The following CHSY1 variants were observed in gnomAD, a reference collection of about 807,000 sequenced individuals.
CHSY1 encodes N-acetylgalactosaminyl-proteoglycan 3-beta-glucuronosyltransferase 1.
In CHSY1, 13 loss-of-function variants were observed where a neutral mutation model predicts 59.8. The ratio of observed to expected loss-of-function variants is 0.22; its 90% confidence interval spans 0.14 to 0.35. The LOEUF is 0.35. Among genes scored for constraint, CHSY1 ranks in the 10% least tolerant of loss-of-function variants. CHSY1 has a pLI of 1.00. For missense variants in CHSY1, 947 were observed against 1,030.6 expected, an observed-to-expected ratio of 0.92 and a Z score of 1.11; for synonymous variants, 459 against 401.2, an observed-to-expected ratio of 1.14 and a Z score of -1.72.
intron 2 of CHSY1, among the ~76,000 whole-genome samples, chr15:101,205,768 G>A (rs538374105): frequency 1.9e-4 from 29 of 152,034 alleles, no homozygotes; most frequent in Admixed American, 1.3e-4. Flanking sequence ...TGGATAAAAC[G>A]GTGAAACCCC....
chr15:101,193,314 TG>T (rs887474627), intron 2 of CHSY1, among the ~76,000 whole-genome samples: 2 of 152,206 alleles, frequency 1.3e-5, no homozygotes. Flanking sequence ...ATCATATCCT[TG>T]GGTCAGGGAA....
rs969170060 is a variant in CHSY1 at position 101,251,130 on chromosome 15, G to A, written c.320+7C>T. Reference sequence around the variant, plus strand: ...CAGGAGGCGGTGCCCGGGGAGCAGGGGCTCACCTGTAGGCGGCCACGGCCC... The same window carrying A: ...CAGGAGGCGGTGCCCGGGGAGCAGGAGCTCACCTGTAGGCGGCCACGGCCC... On this transcript the variant is annotated splice_region_variant and intron_variant, in intron 1 of 2. Transcript: ENST00000254190. 4.4e-6 allele frequency: 7 copies of A among 1,573,960 alleles called. No homozygotes were observed. Among genetic ancestry groups the A allele is most frequent in the Admixed American group, 1.8e-5 (1 of 56,600 alleles).
rs565280154 is a variant in CHSY1 at position 101,207,609 on chromosome 15, GA to G, written c.816+27472del. Among the ~76,000 whole-genome samples the G allele has an allele frequency of 8.2e-3, 1,235 of 150,544 alleles. 15 individuals are homozygous for G. The highest frequency in any genetic ancestry group is 0.028 in the African/African-American group (1,129 of 41,044). Reference sequence around the variant, plus strand: ...AATTAAGACAAGACCCAATCTACTAGAAAAAAAAAGTTGAATATTTGGCACA... The same window carrying G: ...AATTAAGACAAGACCCAATCTACTAGAAAAAAAAGTTGAATATTTGGCACA... On this transcript the variant is annotated intron_variant, in intron 2 of 2. Coordinates refer to ENST00000254190, the MANE Select transcript of CHSY1 (RefSeq NM_014918.5).
chr15:101,189,370 G>T, intron 2 of CHSY1: 2 of 861,948 alleles, frequency 2.3e-6, no homozygotes, highest in Non-Finnish European at 2.8e-6. Flanking sequence ...ATAAGCTCTA[G>T]TCTAGGGGAC....
chr15:101,239,979 A>G (rs2038986704), intron 1 of CHSY1, among the ~76,000 whole-genome samples: 1 of 152,208 alleles, frequency 6.6e-6, no homozygotes, highest in South Asian at 2.1e-4. Context: ...AAATGGTGTA[A>G]TTTGCCCAAG....
Position 101,177,442 on chromosome 15 carries a change from AT to A in CHSY1, c.2354del (p.Asn785MetfsTer15), listed in dbSNP as rs776051407. 4 of 1,612,186 alleles carry A rather than the reference AT, an allele frequency of 2.5e-6. No homozygotes were observed. Among genetic ancestry groups the A allele is most frequent in the Admixed American group, 1.7e-5 (1 of 59,780 alleles). ...QQLAEMWLEK[N>X]DPSYSKSSNN... ...TGCTGCTTTTACTGTAACTTGGATC[AT>A]TTTTTTCCAGCCACATCTCAGCCAG... On this transcript the variant is annotated frameshift_variant, in exon 3 of 3. Transcript: ENST00000254190. LOFTEE classifies it high-confidence loss of function.
intron 2 of CHSY1, among the ~76,000 whole-genome samples, chr15:101,182,434 G>A (rs1184513001): frequency 6.6e-6 from 1 of 152,220 alleles, no homozygotes; most frequent in Admixed American, 6.5e-5. Context: ...CACTACAGGA[G>A]TAGAGTATGT....
intron 1 of CHSY1, among the ~76,000 whole-genome samples, chr15:101,242,997 G>A (rs969262116): frequency 1.3e-5 from 2 of 152,184 alleles, no homozygotes; most frequent in South Asian, 2.1e-4. Flanking sequence ...ACTCCTTACT[G>A]TCCATCCTAA....
At chr15:101,236,163 C>A (rs113256814) in intron 1 of CHSY1, among the ~76,000 whole-genome samples, 2,042 of 152,278 alleles carry the variant, frequency 0.013, 31 homozygotes, top group East Asian at 0.044. Flanking sequence ...GAACAGGGAG[C>A]CTTCCCCTGA....
At chr15:101,247,993 C>T (rs182407887) in intron 1 of CHSY1, among the ~76,000 whole-genome samples, 3 of 152,288 alleles carry the variant, frequency 2.0e-5, no homozygotes, top group Non-Finnish European at 2.9e-5. Context: ...TATCATCTTA[C>T]TGAAAGTGCT....
At chr15:101,240,894 T>G (rs2038994405) in intron 1 of CHSY1, among the ~76,000 whole-genome samples, 1 of 152,244 alleles carries the variant, frequency 6.6e-6, no homozygotes, top group Non-Finnish European at 1.5e-5. Flanking sequence ...TGTACAAAAC[T>G]GCATCTATAG....
chr15:101,247,531 G>C (rs1001095478), intron 1 of CHSY1, among the ~76,000 whole-genome samples: 3 of 152,156 alleles, frequency 2.0e-5, no homozygotes, highest in African/African-American at 7.2e-5. Flanking sequence ...CAGGGTCGGG[G>C]GCCAGAGGGG....
chr15:101,218,606 T>C (rs955938166), intron 2 of CHSY1, among the ~76,000 whole-genome samples: 4 of 152,056 alleles, frequency 2.6e-5, no homozygotes, highest in African/African-American at 9.7e-5. Flanking sequence ...AATAAAACTC[T>C]CCTAAAGTTA....
At chr15:101,184,314 G>T (rs1470557176) in intron 2 of CHSY1, among the ~76,000 whole-genome samples, 1 of 152,164 alleles carries the variant, frequency 6.6e-6, no homozygotes, top group Non-Finnish European at 1.5e-5. Flanking sequence ...AAACTACAGT[G>T]AAAGTTGCTG....
At chr15:101,232,720 T>G (rs1197302438) in intron 2 of CHSY1, among the ~76,000 whole-genome samples, 1 of 152,132 alleles carries the variant, frequency 6.6e-6, no homozygotes, top group Admixed American at 6.5e-5. Context: ...AGATACTCTA[T>G]CCAGAATAAA....
At chr15:101,210,877 A>T (rs1428281823) in intron 2 of CHSY1, among the ~76,000 whole-genome samples, 3 of 152,238 alleles carry the variant, frequency 2.0e-5, no homozygotes, top group African/African-American at 7.2e-5. Flanking sequence ...AGACAAGAGA[A>T]ACCTATACTT....
chr15:101,244,156 T>C lies in CHSY1; in HGVS notation c.320+6981A>G, dbSNP rs192092932. Among the ~76,000 whole-genome samples the C allele has an allele frequency of 1.5e-4, 23 of 152,312 alleles. 1 individual carries two copies. ...GGACAGCTTTTATGCTTGTAAACTGTAGCTAGGTTTTCTTGTTCACCCAAT... is the reference window on the plus strand; with the variant it reads ...GGACAGCTTTTATGCTTGTAAACTGCAGCTAGGTTTTCTTGTTCACCCAAT... On this transcript the variant is annotated intron_variant, in intron 1 of 2. Transcript: ENST00000254190.
At chr15:101,242,974 A>G (rs1027497673) in intron 1 of CHSY1, among the ~76,000 whole-genome samples, 2 of 152,240 alleles carry the variant, frequency 1.3e-5, no homozygotes, top group Non-Finnish European at 2.9e-5. Context: ...TTTTAAAAGA[A>G]AAACCAAATT....
At chr15:101,213,395 A>C (rs981268986) in intron 2 of CHSY1, among the ~76,000 whole-genome samples, 1 of 152,186 alleles carries the variant, frequency 6.6e-6, no homozygotes, top group African/African-American at 2.4e-5. Flanking sequence ...TAGAGGAAGG[A>C]AAAAAACAAA....
Sources: allele counts gnomAD v4.1 joint callset (sites outside exome capture counted in the v4.1 genomes callset), GRCh38; gene constraint gnomAD v4.1.1; transcripts MANE v1.5; gene names NCBI Gene and HGNC (gene_info 2026-07-23, HGNC 2026-07-21).